RCAN2: variants seen among roughly 807,000 people sequenced by gnomAD.
RCAN2 encodes regulator of calcineurin 2, also known as calcipressin-2.
In RCAN2, 9 loss-of-function variants were observed where a neutral mutation model predicts 23.6. The observed-to-expected ratio is 0.38, with a 90% CI of 0.23 to 0.67. The LOEUF (loss-of-function observed/expected upper bound fraction) is 0.67, where lower values mean the gene tolerates loss of function less well. Among genes scored for constraint, RCAN2 ranks in the 30% least tolerant of loss-of-function variants. The probability of loss-of-function intolerance (pLI) is 0.51; values close to 1 mark genes in which losing one functional copy is unlikely to be tolerated. For missense variants in RCAN2, 273 were observed against 302.3 expected (o/e 0.90, Z 0.72); for synonymous variants, 109 against 115.7 (o/e 0.94, Z 0.37).
At position 46,223,124 on chromosome 6, in the gene RCAN2, G is replaced by T; in HGVS notation, c.*17C>A. 1 of 1,611,770 alleles carries T rather than the reference G, an allele frequency of 6.2e-7. No individual in the cohort carries two copies. ...TGATAAAGAGGAGACGGCTATTATC[G>T]AGAAGGAGCAGGCAGCTCAGTTGGA... On this transcript the variant is annotated 3_prime_UTR_variant, in exon 5 of 5. Coordinates refer to ENST00000371374, the MANE Select transcript of RCAN2 (RefSeq NM_001251974.2).
At chr6:46,265,397 C>T (rs1277266927) in intron 2 of RCAN2, among the ~76,000 whole-genome samples, 1 of 152,068 alleles carries the variant, frequency 6.6e-6, no homozygotes, top group Non-Finnish European at 1.5e-5. Flanking sequence ...ACTGAGAATT[C>T]CCTTTTCTCC....
chr6:46,267,945 A>T (rs1026600126), intron 2 of RCAN2, among the ~76,000 whole-genome samples: 3 of 152,160 alleles, frequency 2.0e-5, no homozygotes, highest in Non-Finnish European at 4.4e-5. Flanking sequence ...GAATAAAATC[A>T]TGGAAAAAGG....
chr6:46,481,965 T>A (rs1244961372), intron 1 of RCAN2, among the ~76,000 whole-genome samples: 1 of 151,034 alleles, frequency 6.6e-6, no homozygotes. Flanking sequence ...CATGTAAATA[T>A]CTCAATAGGA....
chr6:46,294,978 G>T (rs1762675059), intron 2 of RCAN2, among the ~76,000 whole-genome samples: 3 of 152,130 alleles, frequency 2.0e-5, no homozygotes, highest in Admixed American at 1.3e-4. Flanking sequence ...AAGGGCAGCT[G>T]CAGTAATCAA....
At chr6:46,473,824 T>G (rs1478478689) in intron 1 of RCAN2, among the ~76,000 whole-genome samples, 1 of 152,212 alleles carries the variant, frequency 6.6e-6, no homozygotes, top group Non-Finnish European at 1.5e-5. Flanking sequence ...ACTCTTCATA[T>G]AAACTCTCAG....
intron 2 of RCAN2, among the ~76,000 whole-genome samples, chr6:46,413,062 T>C (rs1269668035): frequency 2.0e-5 from 3 of 152,202 alleles, no homozygotes; most frequent in Non-Finnish European, 2.9e-5. Context: ...TGTATGAAGA[T>C]GCAATGAATA....
intron 2 of RCAN2, among the ~76,000 whole-genome samples, chr6:46,266,624 A>G (rs1194024584): frequency 6.6e-6 from 1 of 152,228 alleles, no homozygotes; most frequent in East Asian, 1.9e-4. Context: ...ATGAAGCAGT[A>G]CATCCATGAG....
chr6:46,300,413 T>A (rs1306195911), intron 2 of RCAN2, among the ~76,000 whole-genome samples: 2 of 151,966 alleles, frequency 1.3e-5, no homozygotes, highest in East Asian at 3.9e-4. Flanking sequence ...GGAGTGACTA[T>A]CTTAAAGTTT....
chr6:46,314,872 G>A (rs547507528), intron 2 of RCAN2, among the ~76,000 whole-genome samples: 2 of 152,234 alleles, frequency 1.3e-5, no homozygotes, highest in South Asian at 2.1e-4. Flanking sequence ...ACCAGCCTGG[G>A]CAACATGGAA....
intron 2 of RCAN2, among the ~76,000 whole-genome samples, chr6:46,403,410 T>TA (rs35116341): frequency 0.24 from 35,870 of 151,698 alleles, 5,340 homozygotes; most frequent in Middle Eastern, 0.35. Context: ...CTGTCTCTGC[T>TA]AAAAAAACAA....
At chr6:46,416,188 A>C (rs1766711384) in intron 2 of RCAN2, among the ~76,000 whole-genome samples, 1 of 152,016 alleles carries the variant, frequency 6.6e-6, no homozygotes, top group Non-Finnish European at 1.5e-5. Context: ...TAATATGAAT[A>C]AAGAATAAAT....
intron 2 of RCAN2, among the ~76,000 whole-genome samples, chr6:46,449,474 A>AT (rs1767812601): frequency 6.6e-6 from 1 of 151,326 alleles, no homozygotes; most frequent in South Asian, 2.1e-4. Context: ...TTCCAATAAC[A>AT]TTTTTTCACA....
chr6:46,451,735 T>C (rs1159573693), intron 2 of RCAN2, among the ~76,000 whole-genome samples: 1 of 152,206 alleles, frequency 6.6e-6, no homozygotes, highest in Non-Finnish European at 1.5e-5. Flanking sequence ...AATGAAAGTG[T>C]ACATCTTTGA....
chr6:46,371,649 T>C (rs560963078), intron 2 of RCAN2, among the ~76,000 whole-genome samples: 2 of 152,370 alleles, frequency 1.3e-5, no homozygotes, highest in South Asian at 4.1e-4. Context: ...ACTTGAAGGC[T>C]AGATGCCCAT....
chr6:46,282,923 G>T (rs376900641), intron 2 of RCAN2, among the ~76,000 whole-genome samples: 2 of 152,294 alleles, frequency 1.3e-5, no homozygotes, highest in East Asian at 1.9e-4. Flanking sequence ...CAGAGTTAGG[G>T]TTATCTATTC....
intron 2 of RCAN2, among the ~76,000 whole-genome samples, chr6:46,365,957 AC>A (rs1765161680): frequency 6.6e-6 from 1 of 152,182 alleles, no homozygotes; most frequent in African/African-American, 2.4e-5. Context: ...AGAACAACTG[AC>A]CCAGGTAGGT....
intron 2 of RCAN2, among the ~76,000 whole-genome samples, chr6:46,311,152 C>A (rs1014074910): frequency 6.6e-6 from 1 of 152,160 alleles, no homozygotes; most frequent in African/African-American, 2.4e-5. Context: ...GGGTTCCAGC[C>A]CACGCTGGTC....
chr6:46,262,518 G>A (rs1767144186), intron 2 of RCAN2, among the ~76,000 whole-genome samples: 1 of 151,924 alleles, frequency 6.6e-6, no homozygotes, highest in African/African-American at 2.4e-5. Context: ...CACTTTGGGA[G>A]GCCAAGGTGG....
At chr6:46,323,440 T>A (rs1763683897) in intron 2 of RCAN2, among the ~76,000 whole-genome samples, 1 of 151,552 alleles carries the variant, frequency 6.6e-6, no homozygotes, top group African/African-American at 2.4e-5. Context: ...CTATTGGCAG[T>A]AAATACATGT....
Sources: gnomAD v4.1 joint callset for allele counts (sites outside exome capture counted in the v4.1 genomes callset) on GRCh38, gnomAD v4.1.1 for gene constraint, MANE v1.5 for transcripts, NCBI Gene and HGNC (gene_info 2026-07-23, HGNC 2026-07-21) for gene names.